Variants in ZC4H2 observed in about 807,000 individuals in gnomAD.
The protein encoded by ZC4H2 is zinc finger C4H2 domain-containing protein.
For synonymous variants in ZC4H2, 84 were observed against 66.3 expected, an observed-to-expected ratio of 1.27 and a Z score of -1.30; for missense variants, 137 against 173.9, an observed-to-expected ratio of 0.79 and a Z score of 1.19.
At chrX:64,954,101 A>T (rs1313856225) in intron 1 of ZC4H2, among the ~76,000 whole-genome samples, 10 of 105,127 alleles carry the variant, frequency 9.5e-5, no homozygotes, top group Non-Finnish European at 1.9e-5. Flanking sequence ...TCTCACTCAT[A>T]GGTGGGAATT....
chrX:64,921,659 C>T (rs1026045761), intron 2 of ZC4H2, among the ~76,000 whole-genome samples, 158 bp downstream of exon 2: 1 of 111,688 alleles, frequency 9.0e-6, no homozygotes, highest in African/African-American at 3.3e-5. Context: ...AGAGCCAGGG[C>T]TGGATCTCAG....
chrX:65,012,719 G>C (rs1303327816), intron 1 of ZC4H2, among the ~76,000 whole-genome samples: 1 of 111,622 alleles, frequency 9.0e-6, no homozygotes, highest in African/African-American at 3.3e-5. Context: ...GCTTAAACAA[G>C]GGTTTTTCTC....
intron 1 of ZC4H2, among the ~76,000 whole-genome samples, chrX:65,029,373 A>G (rs1932912155): frequency 8.9e-6 from 1 of 111,845 alleles, no homozygotes; most frequent in Admixed American, 9.5e-5. Context: ...AATCCCTATT[A>G]CAGTGGTTGG....
At chrX:64,943,699 C>A (rs753320167) in intron 1 of ZC4H2, among the ~76,000 whole-genome samples, 4 of 111,256 alleles carry the variant, frequency 3.6e-5, no homozygotes, top group Non-Finnish European at 7.5e-5. Flanking sequence ...TCATCCATCC[C>A]TTTATTTTGA....
chrX:65,011,442 G>A (rs1932754331), intron 1 of ZC4H2, among the ~76,000 whole-genome samples: 1 of 111,520 alleles, frequency 9.0e-6, no homozygotes, highest in African/African-American at 3.3e-5. Context: ...CCCTGGGTGA[G>A]GGAGAGGTCT....
chrX:64,986,489 G>A (rs1273502212), intron 1 of ZC4H2, among the ~76,000 whole-genome samples: 2 of 112,097 alleles, frequency 1.8e-5, no homozygotes, highest in East Asian at 2.8e-4. Flanking sequence ...GCTGGACTAC[G>A]GTATATTAAG....
chrX:65,000,980 G>A (rs1411757206), intron 1 of ZC4H2, among the ~76,000 whole-genome samples: 2 of 111,496 alleles, frequency 1.8e-5, no homozygotes, highest in African/African-American at 6.5e-5. Context: ...TGAAAGTGAT[G>A]GGGAAAATGG....
At chrX:64,949,938 T>C (rs1047916747) in intron 1 of ZC4H2, among the ~76,000 whole-genome samples, 2 of 111,833 alleles carry the variant, frequency 1.8e-5, no homozygotes, top group Non-Finnish European at 3.8e-5. Context: ...AATTGTGATG[T>C]TAGGGTGTCA....
At position 64,916,838 on chromosome X, in the gene ZC4H2, A is replaced by G. The variant is rs1928955368; in HGVS notation, c.*945T>C. ...AAGGGATGAATGGAAGGAAAGTCCC[A>G]CCCACCTTCATGTGTAAAGTGATTG... On this transcript the variant is annotated 3_prime_UTR_variant, in exon 5 of 5. Coordinates refer to ENST00000374839, the MANE Select transcript of ZC4H2 (RefSeq NM_018684.4). The G allele has an allele frequency of 8.9e-6, 1 of 112,023 alleles. No homozygotes were observed. The highest frequency in any genetic ancestry group is 1.9e-5 in the Non-Finnish European group (1 of 53,163). The allele number at this position is 112,023 out of a possible 1,213,427, so 9.2% of individuals were successfully genotyped here.
At chrX:64,993,925 G>A (rs1172749847) in intron 1 of ZC4H2, among the ~76,000 whole-genome samples, 1 of 112,043 alleles carries the variant, frequency 8.9e-6, no homozygotes, top group African/African-American at 3.2e-5. Context: ...ATGCAAATAG[G>A]TGAAGTAAAT....
intron 1 of ZC4H2, among the ~76,000 whole-genome samples, chrX:65,008,680 G>C (rs1932708654): frequency 8.9e-6 from 1 of 112,202 alleles, no homozygotes; most frequent in Non-Finnish European, 1.9e-5. Flanking sequence ...GATGGAACTG[G>C]TGGCCATTAT....
At chrX:64,942,195 T>C (rs1930320163) in intron 1 of ZC4H2, among the ~76,000 whole-genome samples, 1 of 111,760 alleles carries the variant, frequency 8.9e-6, no homozygotes, top group Non-Finnish European at 1.9e-5. Flanking sequence ...GTGTTTTTAG[T>C]ATTCTCTGAT....
At chrX:64,931,121 C>G (rs981155098) in intron 1 of ZC4H2, among the ~76,000 whole-genome samples, 1 of 111,634 alleles carries the variant, frequency 9.0e-6, no homozygotes, top group African/African-American at 3.3e-5. Context: ...TGTCCACATC[C>G]TCTACACATT....
intron 1 of ZC4H2, among the ~76,000 whole-genome samples, chrX:64,936,980 G>T (rs1369606869): frequency 9.0e-6 from 1 of 110,989 alleles, no homozygotes; most frequent in Non-Finnish European, 1.9e-5. Flanking sequence ...TGGCAAAATG[G>T]ATAAAGAGTC....
intron 1 of ZC4H2, among the ~76,000 whole-genome samples, chrX:65,010,093 A>C (rs962129704): frequency 1.8e-5 from 2 of 112,560 alleles, no homozygotes; most frequent in African/African-American, 6.5e-5. Flanking sequence ...TGTATAAAAC[A>C]ACCATAAAAA....
upstream of ZC4H2, among the ~76,000 whole-genome samples, chrX:64,979,076 T>C (rs981796884): frequency 3.6e-5 from 4 of 111,819 alleles, no homozygotes; most frequent in South Asian, 1.5e-3. Flanking sequence ...TATCTTGTCT[T>C]TCAAGCCTCA....
chrX:64,928,664 T>C (rs867018665), intron 1 of ZC4H2, among the ~76,000 whole-genome samples: 2 of 100,235 alleles, frequency 2.0e-5, no homozygotes, highest in Non-Finnish European at 4.1e-5. Context: ...CTTCTTCTTC[T>C]TCTTCTTCTT....
intron 1 of ZC4H2, among the ~76,000 whole-genome samples, chrX:64,927,656 A>G (rs1005779301): frequency 8.9e-6 from 1 of 112,213 alleles, no homozygotes; most frequent in South Asian, 3.7e-4. Context: ...CAGTAATGGA[A>G]TTGCTGGGTC....
chrX:64,999,827 T>C (rs1932500130), intron 1 of ZC4H2, among the ~76,000 whole-genome samples: 1 of 112,165 alleles, frequency 8.9e-6, no homozygotes, highest in South Asian at 3.7e-4. Context: ...TCCTCCAGCA[T>C]GTTCAAACTG....
Sources: gnomAD v4.1 joint callset for allele counts (sites outside exome capture counted in the v4.1 genomes callset) on GRCh38, gnomAD v4.1.1 for gene constraint, MANE v1.5 for transcripts, NCBI Gene and HGNC (gene_info 2026-07-23, HGNC 2026-07-21) for gene names.